The following DSCAM variants were observed in gnomAD, a reference collection of about 807,000 sequenced individuals.
DSCAM encodes cell adhesion molecule DSCAM.
A neutral mutation model predicts 217.7 loss-of-function variants in DSCAM; 47 were observed. That is an observed-to-expected ratio of 0.22 (90% CI 0.17 to 0.28). The LOEUF (loss-of-function observed/expected upper bound fraction) is 0.28. Ranked by LOEUF, DSCAM falls within the 10% of genes least tolerant of loss-of-function variation. The pLI is 1.00. For missense variants in DSCAM, 2,080 were observed against 2,618.3 expected, an observed-to-expected ratio of 0.79 and a Z score of 4.49; for synonymous variants, 1,056 against 1,015.3, an observed-to-expected ratio of 1.04 and a Z score of -0.76.
chr21:40,511,237 C>T (rs1041873997), intron 3 of DSCAM, among the ~76,000 whole-genome samples: 3 of 152,050 alleles, frequency 2.0e-5, no homozygotes, highest in Non-Finnish European at 4.4e-5. Flanking sequence ...TGATACTATC[C>T]TTATTTTATA....
chr21:40,628,537 T>A (rs746750199), intron 3 of DSCAM, among the ~76,000 whole-genome samples: 1 of 152,170 alleles, frequency 6.6e-6, no homozygotes, highest in Non-Finnish European at 1.5e-5. Flanking sequence ...TGTGGCCACT[T>A]TTGCACTGCA....
At chr21:40,532,526 G>A (rs567932515) in intron 3 of DSCAM, among the ~76,000 whole-genome samples, 1 of 152,186 alleles carries the variant, frequency 6.6e-6, no homozygotes, top group Non-Finnish European at 1.5e-5. Flanking sequence ...ATAAAGGAAA[G>A]GTGGTCAGAA....
intron 3 of DSCAM, among the ~76,000 whole-genome samples, chr21:40,486,282 A>G (rs1236273767): frequency 6.6e-6 from 1 of 152,088 alleles, no homozygotes; most frequent in East Asian, 1.9e-4. Flanking sequence ...TACTCTCTCT[A>G]TGACTTTCAA....
intron 3 of DSCAM, among the ~76,000 whole-genome samples, chr21:40,489,797 A>AAAAT (rs2076061433): frequency 1.3e-5 from 2 of 150,238 alleles, no homozygotes; most frequent in South Asian, 4.2e-4. Flanking sequence ...AAAAAAAAAA[A>AAAAT]AAAATAAGTA....
At position 40,179,803 on chromosome 21, in the gene DSCAM, T is replaced by C. The variant is rs2090779169; in HGVS notation, c.2780-709A>G. Among the ~76,000 whole-genome samples, 3 of 152,260 alleles carry C rather than the reference T, an allele frequency of 2.0e-5. No individual in the cohort carries two copies. The South Asian group carries it at 6.2e-4, about 31-fold the overall frequency. ...CACTGAATCTGTGACATTTTGTATC[T>C]GGTGGTTTTCAGGCTTCAAGCAAGG... On this transcript the variant is annotated intron_variant, in intron 14 of 32. Transcript: ENST00000400454.
At chr21:40,556,891 C>G (rs1004507327) in intron 3 of DSCAM, among the ~76,000 whole-genome samples, 18 of 152,014 alleles carry the variant, frequency 1.2e-4, no homozygotes, top group African/African-American at 4.3e-4. Context: ...GGAGGTGGAT[C>G]ATCACAAAGT....
intron 3 of DSCAM, among the ~76,000 whole-genome samples, chr21:40,688,907 T>G (rs2090511289): frequency 6.6e-6 from 1 of 152,218 alleles, no homozygotes; most frequent in African/African-American, 2.4e-5. Flanking sequence ...TCCTTGATAA[T>G]GGTAGCCTCA....
intron 3 of DSCAM, among the ~76,000 whole-genome samples, chr21:40,679,323 G>A (rs181114898): frequency 4.6e-5 from 7 of 152,254 alleles, no homozygotes; most frequent in African/African-American, 7.2e-5. Context: ...TCATTCAGTC[G>A]ACAATATTTG....
intron 1 of DSCAM, among the ~76,000 whole-genome samples, chr21:40,762,219 C>A (rs1449876513): frequency 6.6e-6 from 1 of 151,628 alleles, no homozygotes; most frequent in Non-Finnish European, 1.5e-5. Context: ...ACTAGATAGA[C>A]TAATAAAGAA....
chr21:40,331,466 C>T (rs1221326103), intron 8 of DSCAM, among the ~76,000 whole-genome samples: 1 of 152,206 alleles, frequency 6.6e-6, no homozygotes. Context: ...CATTTCCCCA[C>T]TTGCACCAAC....
intron 3 of DSCAM, among the ~76,000 whole-genome samples, chr21:40,537,771 C>T (rs2076510765): frequency 6.6e-6 from 1 of 152,152 alleles, no homozygotes; most frequent in East Asian, 1.9e-4. Context: ...CTCTCTCAGC[C>T]TCAGAGGGAA....
At chr21:40,410,811 C>A (rs2075316040) in intron 3 of DSCAM, among the ~76,000 whole-genome samples, 1 of 150,380 alleles carries the variant, frequency 6.6e-6, no homozygotes, top group Admixed American at 6.6e-5. Context: ...CTAAAACTAA[C>A]CAAAGTAGAA....
At chr21:40,831,662 G>A (rs2092012782) in intron 1 of DSCAM, among the ~76,000 whole-genome samples, 1 of 151,912 alleles carries the variant, frequency 6.6e-6, no homozygotes, top group Admixed American at 6.6e-5. Context: ...TTTGAGAGTT[G>A]GGGAAAGATT....
Position 40,181,680 on chromosome 21 carries a change from C to G in DSCAM, c.2780-2586G>C, listed in dbSNP as rs146844694. 2.7e-3 allele frequency among the ~76,000 whole-genome samples: 405 copies of G among 151,510 alleles called. 6 individuals are homozygous for G. The highest frequency in any genetic ancestry group is 0.02 in the Admixed American group (298 of 15,170). The stretch of plus-strand genomic sequence containing the variant: ...GACAGGATTTTGATATTTCCGGGCA[C>G]CTGCTGAAAATCTCGTATGCCTAGA... On this transcript the variant is annotated intron_variant, in intron 14 of 32. Coordinates refer to ENST00000400454, the MANE Select transcript of DSCAM (RefSeq NM_001389.5).
At chr21:40,808,266 C>T (rs1335906383) in intron 1 of DSCAM, among the ~76,000 whole-genome samples, 2 of 152,042 alleles carry the variant, frequency 1.3e-5, no homozygotes, top group African/African-American at 4.8e-5. Flanking sequence ...ACAAGAAGAC[C>T]AAGAGGCCCA....
intron 6 of DSCAM, among the ~76,000 whole-genome samples, chr21:40,344,647 T>C (rs1189771723): frequency 6.6e-6 from 1 of 152,240 alleles, no homozygotes; most frequent in Non-Finnish European, 1.5e-5. Context: ...CCATTTGTTA[T>C]TGATGTCCTC....
intron 3 of DSCAM, among the ~76,000 whole-genome samples, chr21:40,623,789 GA>G (rs1478577125): frequency 6.6e-6 from 1 of 152,216 alleles, no homozygotes; most frequent in African/African-American, 2.4e-5. Context: ...GTGGTCAAGA[GA>G]AAACACTTGC....
intron 3 of DSCAM, among the ~76,000 whole-genome samples, chr21:40,634,989 GAT>G (rs961845016): frequency 1.3e-5 from 2 of 152,214 alleles, no homozygotes; most frequent in African/African-American, 4.8e-5. Context: ...GTTTCACAAA[GAT>G]AGGAATTTTG....
At chr21:40,222,573 A>T (rs191513305) in intron 11 of DSCAM, among the ~76,000 whole-genome samples, 3 of 152,374 alleles carry the variant, frequency 2.0e-5, no homozygotes, top group African/African-American at 4.8e-5. Flanking sequence ...TTCAACGAAC[A>T]TAACACATCA....
Sources: gnomAD v4.1 joint callset for allele counts (sites outside exome capture counted in the v4.1 genomes callset) on GRCh38, gnomAD v4.1.1 for gene constraint, MANE v1.5 for transcripts, NCBI Gene and HGNC (gene_info 2026-07-23, HGNC 2026-07-21) for gene names.